The following TRAF3IP3 variants were observed in gnomAD, a reference collection of about 807,000 sequenced individuals.
The protein encoded by TRAF3IP3 is TRAF3-interacting JNK-activating modulator.
TRAF3IP3 carries 64 observed loss-of-function variants against 86.5 expected under a neutral mutation model. The ratio of observed to expected loss-of-function variants is 0.74; its 90% CI spans 0.60 to 0.91. The LOEUF is 0.91. Among genes scored for constraint, TRAF3IP3 ranks in the 40% least tolerant of loss-of-function variants. TRAF3IP3 has a pLI of 0.00. For missense variants in TRAF3IP3, 579 were observed against 642.9 expected (o/e 0.90, Z 1.07); for synonymous variants, 220 against 243.9 (o/e 0.90, Z 0.91).
intron 9 of TRAF3IP3, 90 bp downstream of exon 9, chr1:209,773,109 C>T (rs1048122901): frequency 8.7e-7 from 1 of 1,149,980 alleles, no homozygotes; most frequent in Non-Finnish European, 1.2e-6. Context: ...TCGAGAAACA[C>T]CACCAGATAG....
At chr1:209,780,134 A>C (rs1405162025) in intron 14 of TRAF3IP3, 1 of 169,388 alleles carries the variant, frequency 5.9e-6, no homozygotes, top group East Asian at 1.6e-4. Context: ...TAAAGCATTT[A>C]CCAAACTTAT....
chr1:209,760,096 T>A lies in TRAF3IP3; in HGVS notation c.57T>A (p.Tyr19Ter). Residue 19 changes from tyrosine (Y) to a stop codon, truncating the protein, a stop_gained, in exon 3 of 17, where the codon TAT becomes TAA. Coordinates refer to ENST00000367025, the MANE Select transcript of TRAF3IP3 (RefSeq NM_025228.4). LOFTEE classifies it high-confidence loss of function. ...GCTTGGCCCGGTGGGCTGAGAGCTA[T>A]GAGGCCAAGTGTGAGCGCAGGCAAG... is the stretch of plus-strand genomic sequence containing the variant. ...SPGLARWAESYEAKCERRQEI... is the reference protein window; with the variant it reads ...SPGLARWAES 6.2e-7 allele frequency: 1 copy of A among 1,614,086 alleles called. No homozygotes were observed. Among genetic ancestry groups the A allele is most frequent in the Non-Finnish European group, 8.5e-7 (1 of 1,179,990 alleles).
At chr1:209,775,904 T>A in intron 11 of TRAF3IP3, 168 bp downstream of exon 11, 1 of 625,158 alleles carries the variant, frequency 1.6e-6, no homozygotes, top group Non-Finnish European at 2.7e-6. Flanking sequence ...CTCTGAAATC[T>A]AATTTTGAGT....
Position 209,782,037 on chromosome 1 carries a change from T to C in TRAF3IP3, c.1564-19T>C, listed in dbSNP as rs1221358145. 3.1e-6 allele frequency: 5 copies of C among 1,606,828 alleles called. No homozygotes were observed. The highest frequency in any genetic ancestry group is 1.3e-5 in the African/African-American group (1 of 74,752). The stretch of plus-strand genomic sequence containing the variant: ...ATCCACTCATGGCCACTTTCTTCTG[T>C]CTCCCTGTCCCCCTACAGAGGCAAT... On this transcript the variant is annotated intron_variant, in intron 16 of 16. Coordinates refer to ENST00000367025, the MANE Select transcript of TRAF3IP3 (RefSeq NM_025228.4).
At position 209,762,820 on chromosome 1, in the gene TRAF3IP3, G is replaced by A. The variant is rs747384044; in HGVS notation, c.501G>A (p.Gln167=). The A allele has an allele frequency of 1.3e-6, 2 of 1,583,414 alleles. No homozygotes were observed. Among genetic ancestry groups the A allele is most frequent in the Non-Finnish European group, 1.7e-6 (2 of 1,169,462 alleles). The change falls in exon 5 of 17, where the codon CAG becomes CAA. Residue 167 remains glutamine (Q), a synonymous_variant. Transcript: ENST00000367025. ...TTATCCTCCATCTCTCAGGTACTCAGACAAAGGCAGAAGGACCAACAATTA... is the reference window on the plus strand; with the variant it reads ...TTATCCTCCATCTCTCAGGTACTCAAACAAAGGCAGAAGGACCAACAATTA... ...KKPPKHHRGT[Q]TKAEGPTIKN...
chr1:209,769,035 A>G (rs1474700611), intron 8 of TRAF3IP3, among the ~76,000 whole-genome samples: 1 of 152,212 alleles, frequency 6.6e-6, no homozygotes, highest in African/African-American at 2.4e-5. Context: ...CAATACAAAA[A>G]CAGTTGAAAG....
intron 9 of TRAF3IP3, among the ~76,000 whole-genome samples, chr1:209,773,389 A>G (rs1226360565): frequency 6.6e-6 from 1 of 152,228 alleles, no homozygotes; most frequent in Non-Finnish European, 1.5e-5. Flanking sequence ...CAGATGAGTT[A>G]GATGTTATAA....
At chr1:209,759,858 T>C in intron 2 of TRAF3IP3, 124 bp from the exon 3 acceptor site, 2 of 597,564 alleles carry the variant, frequency 3.3e-6, no homozygotes, top group Non-Finnish European at 6.0e-6. Flanking sequence ...TACCACCATG[T>C]CCTCAGTTTT....
At chr1:209,773,061 T>C in intron 9 of TRAF3IP3, 42 bp downstream of exon 9, 2 of 1,517,864 alleles carry the variant, frequency 1.3e-6, no homozygotes, top group Non-Finnish European at 1.8e-6. Context: ...GAATCTAGAA[T>C]TAAATGAGAA....
intron 16 of TRAF3IP3, 142 bp downstream of exon 16, chr1:209,781,600 T>C: frequency 1.8e-6 from 1 of 561,450 alleles, no homozygotes; most frequent in South Asian, 2.2e-5. Context: ...TATACTGACA[T>C]TATGGCAACC....
chr1:209,764,201 G>C (rs1333974737), intron 8 of TRAF3IP3, among the ~76,000 whole-genome samples: 7 of 152,204 alleles, frequency 4.6e-5, no homozygotes, highest in Non-Finnish European at 5.9e-5. Context: ...CACTGGACTA[G>C]CACTAGAAAT....
intron 14 of TRAF3IP3, chr1:209,780,235 A>G (rs1458953457): frequency 6.2e-6 from 2 of 323,714 alleles, no homozygotes; most frequent in Non-Finnish European, 1.1e-5. Context: ...AAGACTGGGG[A>G]TACAAAGAAA....
intron 8 of TRAF3IP3, 41 bp from the exon 9 acceptor site, chr1:209,772,907 G>C (rs376590207): frequency 1.3e-6 from 2 of 1,565,832 alleles, no homozygotes; most frequent in Non-Finnish European, 1.8e-6. Context: ...TTGCAGACTA[G>C]ATTTTGCCCC....
chr1:209,781,935 T>G, intron 16 of TRAF3IP3, 121 bp from the exon 17 acceptor site: 2 of 748,476 alleles, frequency 2.7e-6, no homozygotes, highest in East Asian at 5.3e-5. Flanking sequence ...GTAAAAAGCT[T>G]TTTCTCCACC....
At chr1:209,776,821 G>C (rs146480929) in intron 11 of TRAF3IP3, 1 of 152,090 alleles carries the variant, frequency 6.6e-6, no homozygotes, top group Non-Finnish European at 1.5e-5. Flanking sequence ...ATTTTTTAAC[G>C]TACTGGGTTT....
chr1:209,767,391 T>A (rs1348733757), intron 8 of TRAF3IP3, among the ~76,000 whole-genome samples: 1 of 152,154 alleles, frequency 6.6e-6, no homozygotes, highest in Non-Finnish European at 1.5e-5. Context: ...CAGATCTGTG[T>A]CTTAAAAAGT....
At chr1:209,761,669 G>A (rs1035398996) in intron 3 of TRAF3IP3, among the ~76,000 whole-genome samples, 3 of 152,358 alleles carry the variant, frequency 2.0e-5, no homozygotes, top group Non-Finnish European at 2.9e-5. Flanking sequence ...TTTTCTAGCT[G>A]TTACTAAGAG....
intron 8 of TRAF3IP3, among the ~76,000 whole-genome samples, chr1:209,770,792 T>C (rs1415025998): frequency 8.1e-5 from 9 of 110,648 alleles, no homozygotes; most frequent in African/African-American, 1.1e-4. Flanking sequence ...TGTGTGTGTG[T>C]GCATATGGAG....
intron 3 of TRAF3IP3, among the ~76,000 whole-genome samples, chr1:209,761,028 A>G (rs1274926804): frequency 5.3e-5 from 8 of 152,358 alleles, no homozygotes; most frequent in Non-Finnish European, 1.0e-4. Context: ...TTCTACAGCT[A>G]TCTTACAGCA....
Sources: allele counts gnomAD v4.1 joint callset (sites outside exome capture counted in the v4.1 genomes callset), GRCh38; gene constraint gnomAD v4.1.1; transcripts MANE v1.5; gene names NCBI Gene and HGNC (gene_info 2026-07-23, HGNC 2026-07-21).